Variants in FNDC3B observed in about 807,000 individuals in gnomAD.
FNDC3B encodes fibronectin type III domain-containing protein 3B.
A neutral mutation model predicts 151.5 loss-of-function variants in FNDC3B; 12 were observed. The observed-to-expected ratio is 0.08, with a 90% CI of 0.05 to 0.13. FNDC3B has a LOEUF of 0.13. FNDC3B is among the 10% of genes least tolerant of loss of function. FNDC3B has a pLI of 1.00. For missense variants in FNDC3B, 1,214 were observed against 1,505.3 expected (o/e 0.81, Z 3.20); for synonymous variants, 528 against 549.0 (o/e 0.96, Z 0.54).
rs151019894 is a variant in FNDC3B, at chr3:172,346,509, T to G, written c.2364+69T>G. The G allele has an allele frequency of 3.6e-4, 339 of 936,022 alleles. No homozygotes were observed. In the African/African-American group the frequency reaches 4.7e-3, roughly 13 times the overall value. 58.0% of individuals were successfully genotyped at this position (936,022 alleles called of 1,614,324 possible). ...TACTCCCAAATACAAATACCAATTA[T>G]AAGGAAGCTGCAAATCCAAAATGCA... is the stretch of plus-strand genomic sequence containing the variant. On this transcript the variant is annotated intron_variant, in intron 20 of 25. Coordinates refer to ENST00000415807, the MANE Select transcript of FNDC3B (RefSeq NM_022763.4).
chr3:172,318,559 G>A (rs910875187), intron 11 of FNDC3B, among the ~76,000 whole-genome samples: 1 of 152,164 alleles, frequency 6.6e-6, no homozygotes, highest in African/African-American at 2.4e-5. Context: ...GAGAATGAAG[G>A]GAATGGAGCA....
intron 9 of FNDC3B, among the ~76,000 whole-genome samples, chr3:172,304,630 C>T (rs1028613582): frequency 2.0e-5 from 3 of 152,196 alleles, no homozygotes; most frequent in African/African-American, 7.2e-5. Flanking sequence ...GGTGCAGTGG[C>T]TCACGCCTGT....
intron 2 of FNDC3B, among the ~76,000 whole-genome samples, chr3:172,130,443 C>T (rs1721017855): frequency 2.0e-5 from 3 of 152,070 alleles, no homozygotes; most frequent in Admixed American, 6.5e-5. Flanking sequence ...GAGGTATTTT[C>T]GTCGGATGCT....
At chr3:172,108,522 C>T (rs878878245) in intron 1 of FNDC3B, among the ~76,000 whole-genome samples, 1 of 152,212 alleles carries the variant, frequency 6.6e-6, no homozygotes, top group Non-Finnish European at 1.5e-5. Context: ...AGTTGAGCCA[C>T]CCTGTTGAGA....
intron 6 of FNDC3B, among the ~76,000 whole-genome samples, chr3:172,283,834 T>A (rs976675682): frequency 7.9e-5 from 12 of 152,188 alleles, no homozygotes; most frequent in African/African-American, 2.9e-4. Flanking sequence ...AACTTTTGAT[T>A]TATGGATACA....
At chr3:172,093,273 T>TG in intron 1 of FNDC3B, among the ~76,000 whole-genome samples, 1 of 151,624 alleles carries the variant, frequency 6.6e-6, no homozygotes, top group Admixed American at 6.6e-5. Flanking sequence ...TTTTTTTTTT[T>TG]TTTGAGACGG....
chr3:172,329,229 G>T lies in FNDC3B; in HGVS notation c.1379+153G>T, dbSNP rs1732513498. On this transcript the variant is annotated intron_variant, in intron 12 of 25. Transcript: ENST00000415807. ...GGGAATCCTAATCAGAGGAGAGAAG[G>T]CCTCCTTTAAGCTGGTGAATGTCAC... The T allele has an allele frequency of 3.4e-6, 3 of 889,164 alleles. No individual in the cohort carries two copies. In the East Asian group the frequency reaches 7.6e-5, roughly 22 times the overall value. 55.1% of individuals were successfully genotyped at this position (889,164 alleles called of 1,614,324 possible). A position where few individuals can be genotyped will look rare whatever the true frequency, so the allele number is the denominator to read the frequency against.
Position 172,157,210 on chromosome 3 carries a change from C to G in FNDC3B, c.187+23664C>G, listed in dbSNP as rs116792427. On this transcript the variant is annotated intron_variant, in intron 3 of 25. Coordinates refer to ENST00000415807, the MANE Select transcript of FNDC3B (RefSeq NM_022763.4). The stretch of plus-strand genomic sequence containing the variant: ...TTTTAAACATGAAGAAACAAAGGTC[C>G]AGATAGGCCAACTAACTTATCCAAA... Among the ~76,000 whole-genome samples the G allele has an allele frequency of 1.4e-3, 219 of 152,132 alleles. 2 individuals carry two copies. Among genetic ancestry groups the G allele is most frequent in the African/African-American group, 5.2e-3 (214 of 41,496 alleles).
At chr3:172,126,802 C>T (rs1454911107) in intron 2 of FNDC3B, among the ~76,000 whole-genome samples, 2 of 152,180 alleles carry the variant, frequency 1.3e-5, no homozygotes, top group Non-Finnish European at 1.5e-5. Flanking sequence ...TTTCCACATA[C>T]TGTGGTGTTA....
intron 9 of FNDC3B, among the ~76,000 whole-genome samples, chr3:172,306,611 A>C (rs1700078593): frequency 2.0e-5 from 3 of 152,252 alleles, no homozygotes; most frequent in African/African-American, 7.2e-5. Flanking sequence ...AAATCAGCAT[A>C]GCCCTATTTT....
At chr3:172,344,739 CCTT>C (rs1197309586) in intron 19 of FNDC3B, among the ~76,000 whole-genome samples, 6 of 152,204 alleles carry the variant, frequency 3.9e-5, no homozygotes, top group African/African-American at 1.2e-4. Flanking sequence ...AGGACTCTCT[CCTT>C]CTATTGCTCC....
intron 25 of FNDC3B, among the ~76,000 whole-genome samples, chr3:172,385,927 A>G (rs1735687830): frequency 6.6e-6 from 1 of 152,118 alleles, no homozygotes; most frequent in African/African-American, 2.4e-5. Context: ...TTTTGTTTGA[A>G]GCATCAACTC....
At chr3:172,213,571 T>C (rs1425650921) in intron 3 of FNDC3B, among the ~76,000 whole-genome samples, 2 of 152,238 alleles carry the variant, frequency 1.3e-5, no homozygotes, top group Admixed American at 6.5e-5. Flanking sequence ...ATCATGCATA[T>C]CATTTGTTTG....
At chr3:172,217,557 A>AT (rs1553774256) in intron 3 of FNDC3B, among the ~76,000 whole-genome samples, 1 of 151,950 alleles carries the variant, frequency 6.6e-6, no homozygotes, top group South Asian at 2.1e-4. Flanking sequence ...TCAATTCCTT[A>AT]CATCTTGCAC....
intron 3 of FNDC3B, among the ~76,000 whole-genome samples, chr3:172,196,800 C>T (rs549102992): frequency 1.3e-5 from 2 of 152,198 alleles, no homozygotes; most frequent in African/African-American, 2.4e-5. Context: ...AGAAGACAGC[C>T]GGAGCTCTCA....
At chr3:172,046,969 C>T (rs1716400093) in intron 1 of FNDC3B, 2 of 152,130 alleles carry the variant, frequency 1.3e-5, no homozygotes, top group South Asian at 2.1e-4. Flanking sequence ...TCTTTGCTAC[C>T]TTCTGAAATT....
intron 4 of FNDC3B, among the ~76,000 whole-genome samples, chr3:172,246,576 A>G (rs1727788033): frequency 6.6e-6 from 1 of 152,194 alleles, no homozygotes; most frequent in African/African-American, 2.4e-5. Flanking sequence ...TCGTTGCTCT[A>G]CTTGGATGAA....
At chr3:172,146,011 C>T (rs1721892763) in intron 3 of FNDC3B, among the ~76,000 whole-genome samples, 1 of 152,068 alleles carries the variant, frequency 6.6e-6, no homozygotes, top group African/African-American at 2.4e-5. Context: ...GGAGGTTTCT[C>T]CATGTTGGTC....
intron 1 of FNDC3B, among the ~76,000 whole-genome samples, chr3:172,067,791 G>A (rs1487437683): frequency 6.6e-6 from 1 of 152,204 alleles, no homozygotes; most frequent in Non-Finnish European, 1.5e-5. Context: ...AGGCTCTTTT[G>A]TAGACCTAGG....
Sources: gnomAD v4.1 joint callset for allele counts (sites outside exome capture counted in the v4.1 genomes callset) on GRCh38, gnomAD v4.1.1 for gene constraint, MANE v1.5 for transcripts, NCBI Gene and HGNC (gene_info 2026-07-23, HGNC 2026-07-21) for gene names.